DNAJA3: variants seen among roughly 807,000 people sequenced by gnomAD.
The protein encoded by DNAJA3 is dnaJ homolog subfamily A member 3, mitochondrial.
Under a neutral mutation model 54.9 loss-of-function variants are expected in DNAJA3, and 29 were observed. That is an observed-to-expected ratio of 0.53 (90% CI 0.39 to 0.72). The LOEUF (loss-of-function observed/expected upper bound fraction) is 0.72, where lower values mean the gene tolerates loss of function less well. Ranked by LOEUF, DNAJA3 falls within the 30% of genes least tolerant of loss-of-function variation. DNAJA3 has a pLI of 0.00. For missense variants in DNAJA3, 708 were observed against 639.4 expected, an observed-to-expected ratio of 1.11 and a Z score of -1.16; for synonymous variants, 302 against 251.4, an observed-to-expected ratio of 1.20 and a Z score of -1.90.
At position 4,456,485 on chromosome 16, in the gene DNAJA3, C is replaced by T. The variant is rs2057037325; in HGVS notation, c.*953C>T. The T allele has an allele frequency of 1.3e-5, 2 of 152,624 alleles. No homozygotes were observed. Among genetic ancestry groups the T allele is most frequent in the African/African-American group, 4.8e-5 (2 of 41,436 alleles). 9.5% of individuals were successfully genotyped at this position (152,624 alleles called of 1,614,324 possible). A position where few individuals can be genotyped will look rare whatever the true frequency, so the allele number is the denominator to read the frequency against. On this transcript the variant is annotated 3_prime_UTR_variant, in exon 12 of 12. Coordinates refer to ENST00000262375, the MANE Select transcript of DNAJA3 (RefSeq NM_005147.6). ...GTTTTTTCCTTTGTAAATGTTGATT[C>T]AGAAAAGGAAAGCACAGGCTAAGCA...
intron 4 of DNAJA3, among the ~76,000 whole-genome samples, chr16:4,441,867 T>C (rs993355969): frequency 6.6e-6 from 1 of 151,948 alleles, no homozygotes; most frequent in Admixed American, 6.6e-5. Context: ...TCCAGGAGAG[T>C]TCTGTCCGGT....
At chr16:4,447,814 CT>C (rs397855704) in intron 8 of DNAJA3, 216 of 144,406 alleles carry the variant, frequency 1.5e-3, no homozygotes, top group African/African-American at 3.8e-3. Flanking sequence ...AGTGGTGGTT[CT>C]TTTTTTTTTT....
intron 1 of DNAJA3, among the ~76,000 whole-genome samples, chr16:4,432,274 C>G (rs2056712803): frequency 6.6e-6 from 1 of 151,150 alleles, no homozygotes; most frequent in Non-Finnish European, 1.5e-5. Flanking sequence ...CCTCACGCCT[C>G]AGGTTCCCAA....
At position 4,442,409 on chromosome 16, in the gene DNAJA3, G is replaced by T. The variant is rs771239871; in HGVS notation, c.772G>T (p.Gly258Cys). 6 of 1,599,514 alleles carry T rather than the reference G, an allele frequency of 3.8e-6. No homozygotes were observed. Among genetic ancestry groups the T allele is most frequent in the Non-Finnish European group, 4.3e-6 (5 of 1,172,342 alleles). Residue 258 changes from glycine to cysteine, a missense_variant, in exon 5 of 12, where the codon GGC becomes TGC. Transcript: ENST00000262375. ...GGTGCAGCATTGCCACTACTGTGGCGGCTCCGGCATGGTAAGGCTCTGCCC... is the reference window on the plus strand; with the variant it reads ...GGTGCAGCATTGCCACTACTGTGGCTGCTCCGGCATGGTAAGGCTCTGCCC... ...TKVQHCHYCG[G>C]SGMETINTGP...
chr16:4,442,916 A>G, intron 5 of DNAJA3, 101 bp from the exon 6 acceptor site: 3 of 1,384,672 alleles, frequency 2.2e-6, no homozygotes, highest in Non-Finnish European at 3.0e-6. Flanking sequence ...CACATAAAAA[A>G]CAAGCCTTAA....
chr16:4,442,996 C>G (rs775606869), intron 5 of DNAJA3, 21 bp from the exon 6 acceptor site: 3 of 1,610,422 alleles, frequency 1.9e-6, no homozygotes, highest in Non-Finnish European at 2.5e-6. Flanking sequence ...CTTAGGTTAC[C>G]ATTTTTCTTG....
In DNAJA3 at chr16:4,437,277, C is replaced by G. The variant is rs150335605; in HGVS notation, c.346-125C>G. ...TGAGCCACTGCACCCAGCCGAGAGA[C>G]AACTTTTATAAAGGGAACATAATTA... On this transcript the variant is annotated intron_variant, in intron 2 of 11. Transcript: ENST00000262375. The G allele has an allele frequency of 6.0e-6, 5 of 834,318 alleles. No homozygotes were observed. The East Asian group carries it at 1.3e-4, about 22-fold the overall frequency. The allele number at this position is 834,318 out of a possible 1,614,324, so 51.7% of individuals were successfully genotyped here. A position where few individuals can be genotyped will look rare whatever the true frequency, so the allele number is the denominator to read the frequency against.
At chr16:4,455,480 C>T (rs1029812393) in intron 11 of DNAJA3, 66 bp from the exon 12 acceptor site, 5 of 1,530,942 alleles carry the variant, frequency 3.3e-6, no homozygotes, top group Admixed American at 2.0e-5. Context: ...TTAACAGACG[C>T]TCCCCACAGG....
At chr16:4,433,529 A>G (rs1453558714) in intron 1 of DNAJA3, 3 of 152,130 alleles carry the variant, frequency 2.0e-5, no homozygotes, top group Non-Finnish European at 4.4e-5. Context: ...GTAGGGCTTG[A>G]ACATCTGTGT....
chr16:4,452,817 G>A (rs983639248), intron 10 of DNAJA3, among the ~76,000 whole-genome samples: 4 of 152,148 alleles, frequency 2.6e-5, no homozygotes, highest in African/African-American at 9.7e-5. Flanking sequence ...AAGCTGAGAT[G>A]AGAAGATCAC....
intron 3 of DNAJA3, among the ~76,000 whole-genome samples, chr16:4,438,296 G>A (rs1167672472): frequency 4.0e-5 from 6 of 149,334 alleles, no homozygotes; most frequent in South Asian, 2.1e-4. Flanking sequence ...CAGCCTGGGC[G>A]ACAGAGCAAG....
At chr16:4,441,314 T>C (rs2056832973) in intron 3 of DNAJA3, 61 bp from the exon 4 acceptor site, 1 of 1,477,384 alleles carries the variant, frequency 6.8e-7, no homozygotes, top group Non-Finnish European at 9.3e-7. Flanking sequence ...TGTGAACTCT[T>C]GTCTGTATTC....
chr16:4,426,415 A>T (rs2056623862), intron 1 of DNAJA3, among the ~76,000 whole-genome samples: 1 of 152,176 alleles, frequency 6.6e-6, no homozygotes, highest in African/African-American at 2.4e-5. Flanking sequence ...TCTAGCCCGT[A>T]GCGGAAGGGA....
chr16:4,449,587 C>T (rs2056952177), intron 9 of DNAJA3: 1 of 151,486 alleles, frequency 6.6e-6, no homozygotes, highest in Non-Finnish European at 1.5e-5. Flanking sequence ...ACTGGCCAGG[C>T]TAATCTCGAA....
chr16:4,426,198 C>T, intron 1 of DNAJA3, 106 bp downstream of exon 1: 2 of 1,221,548 alleles, frequency 1.6e-6, no homozygotes, highest in Non-Finnish European at 2.2e-6. Flanking sequence ...AGGGTGTCTT[C>T]CGACGCGGAT....
At position 4,437,407 on chromosome 16, in the gene DNAJA3, CA is replaced by C; in HGVS notation, c.353del (p.Lys118ArgfsTer28). The part of the protein sequence containing the change: ...EIKKAYYQLA[K>X]KYHPDTNKDD... ...TTATCATGTTTTTCCCTTAGCTTGC[CA>C]AGAAGTATCACCCTGACACAAATAA... On this transcript the variant is annotated frameshift_variant, in exon 3 of 12. Transcript: ENST00000262375. LOFTEE classifies it high-confidence loss of function. The C allele has an allele frequency of 6.2e-7, 1 of 1,613,898 alleles. No individual in the cohort carries two copies. The highest frequency in any genetic ancestry group is 8.5e-7 in the Non-Finnish European group (1 of 1,179,940).
At chr16:4,447,252 G>A in intron 8 of DNAJA3, 1 of 511,644 alleles carries the variant, frequency 2.0e-6, no homozygotes, top group Non-Finnish European at 3.5e-6. Context: ...ACACTGGTTA[G>A]CGGGGCCTGG....
intron 1 of DNAJA3, among the ~76,000 whole-genome samples, chr16:4,428,564 T>C (rs1170572011): frequency 1.3e-5 from 2 of 152,194 alleles, no homozygotes; most frequent in African/African-American, 4.8e-5. Flanking sequence ...TTATTGTGTA[T>C]GTGAAAGAGA....
At chr16:4,447,786 G>C (rs2056920466) in intron 8 of DNAJA3, 1 of 150,758 alleles carries the variant, frequency 6.6e-6, no homozygotes, top group South Asian at 2.1e-4. Flanking sequence ...TTGTGGGCGG[G>C]CTTGGCCCAG....
Sources: gnomAD v4.1 joint callset for allele counts (sites outside exome capture counted in the v4.1 genomes callset) on GRCh38, gnomAD v4.1.1 for gene constraint, MANE v1.5 for transcripts, NCBI Gene and HGNC (gene_info 2026-07-23, HGNC 2026-07-21) for gene names.